The following ARHGAP5 variants were observed in gnomAD, a reference collection of about 807,000 sequenced individuals.
ARHGAP5 encodes Rho GTPase activating protein 5, also known as rho GTPase-activating protein 5.
Under a neutral mutation model 116.6 loss-of-function variants are expected in ARHGAP5, and 23 were observed. The ratio of observed to expected loss-of-function variants is 0.20; its 90% CI spans 0.14 to 0.28. The LOEUF is 0.28. ARHGAP5 is among the 10% of genes least tolerant of loss of function. The probability of loss-of-function intolerance (pLI) is 1.00; values close to 1 mark genes in which losing one functional copy is unlikely to be tolerated. For missense variants in ARHGAP5, 1,405 were observed against 1,774.8 expected, an observed-to-expected ratio of 0.79 and a Z score of 3.74; for synonymous variants, 574 against 602.0, an observed-to-expected ratio of 0.95 and a Z score of 0.68.
Position 32,158,337 on chromosome 14 carries a change from T to C in ARHGAP5, c.*3389T>C, listed in dbSNP as rs1881986626. ...GATGTATATAGGTGAAAATTTGATTTTTTAAATTATCAGGAAAACAAGATA... is the reference window on the plus strand; with the variant it reads ...GATGTATATAGGTGAAAATTTGATTCTTTAAATTATCAGGAAAACAAGATA... On this transcript the variant is annotated 3_prime_UTR_variant, in exon 7 of 7. Coordinates refer to ENST00000345122, the MANE Select transcript of ARHGAP5 (RefSeq NM_001030055.2). The C allele has an allele frequency of 6.6e-6, 1 of 151,966 alleles. No individual in the cohort carries two copies. Among genetic ancestry groups the C allele is most frequent in the Admixed American group, 6.6e-5 (1 of 15,246 alleles). The allele number at this position is 151,966 out of a possible 1,614,324, so 9.4% of individuals were successfully genotyped here. A position where few individuals can be genotyped will look rare whatever the true frequency, so the allele number is the denominator to read the frequency against.
At chr14:32,118,094 G>A (rs111631345) in intron 3 of ARHGAP5, among the ~76,000 whole-genome samples, 2,657 of 152,176 alleles carry the variant, frequency 0.017, 82 homozygotes, top group African/African-American at 0.06. Context: ...TCTTGTTCTC[G>A]CTAAAAAATC....
intron 5 of ARHGAP5, 28 bp from the exon 6 acceptor site, chr14:32,152,395 C>G: frequency 7.0e-7 from 1 of 1,425,258 alleles, no homozygotes; most frequent in Non-Finnish European, 9.8e-7. Flanking sequence ...AAGTTTTACA[C>G]AGATTCTTCA....
chr14:32,090,786 T>C lies in ARHGAP5; in HGVS notation c.117T>C (p.Asn39=). 6.2e-7 allele frequency: 1 copy of C among 1,613,642 alleles called. No homozygotes were observed. The highest frequency in any genetic ancestry group is 8.5e-7 in the Non-Finnish European group (1 of 1,179,616). ...NCGVGKSCLC[N]RFVRSKADEY... is the part of the protein sequence containing the mutation. The stretch of plus-strand genomic sequence containing the variant: ...GAGTTGGAAAGTCTTGTTTGTGCAA[T>C]AGATTTGTACGCTCAAAAGCAGATG... The change falls in exon 2 of 7, where the codon AAT becomes AAC. Residue 39 remains asparagine (N), a synonymous_variant. Coordinates refer to ENST00000345122, the MANE Select transcript of ARHGAP5 (RefSeq NM_001030055.2).
At chr14:32,127,741 CGTG>C (rs1285670843) in intron 3 of ARHGAP5, among the ~76,000 whole-genome samples, 2 of 152,022 alleles carry the variant, frequency 1.3e-5, no homozygotes, top group South Asian at 2.1e-4. Flanking sequence ...ACTTCCCAGA[CGTG>C]GTGGCCAGGC....
intron 3 of ARHGAP5, among the ~76,000 whole-genome samples, chr14:32,134,019 A>C (rs1193785618): frequency 6.6e-6 from 1 of 152,176 alleles, no homozygotes; most frequent in Non-Finnish European, 1.5e-5. Flanking sequence ...GACACAACTA[A>C]AAAAGGGAAT....
At chr14:32,109,751 T>A (rs557741513) in intron 2 of ARHGAP5, among the ~76,000 whole-genome samples, 28 of 152,238 alleles carry the variant, frequency 1.8e-4, no homozygotes, top group Admixed American at 1.7e-3. Flanking sequence ...GCAAACTTTT[T>A]AAAAAAATGT....
chr14:32,114,062 AC>A (rs1879436216), intron 2 of ARHGAP5, among the ~76,000 whole-genome samples: 2 of 152,084 alleles, frequency 1.3e-5, no homozygotes, highest in South Asian at 4.1e-4. Flanking sequence ...CCCCATCTCT[AC>A]TAAAAATACA....
rs1348040625 is a variant in ARHGAP5, at chr14:32,153,057, T to G, written c.4181+529T>G. Reference sequence around the variant, plus strand: ...GAACTGTATGGTTTTTTTTGTTTTTTTTTTTTTTTAAACTAATAGTATCAA... The same window carrying G: ...GAACTGTATGGTTTTTTTTGTTTTTGTTTTTTTTTAAACTAATAGTATCAA... On this transcript the variant is annotated intron_variant, in intron 6 of 6. Transcript: ENST00000345122. Among the ~76,000 whole-genome samples the G allele has an allele frequency of 4.6e-5, 7 of 151,136 alleles. No individual in the cohort carries two copies. In the South Asian group the frequency reaches 8.4e-4, roughly 18 times the overall value.
chr14:32,146,989 C>T (rs1860822999), intron 4 of ARHGAP5, among the ~76,000 whole-genome samples: 1 of 152,140 alleles, frequency 6.6e-6, no homozygotes, highest in South Asian at 2.1e-4. Flanking sequence ...TAAACTATCT[C>T]ACAAATAAAA....
chr14:32,102,759 T>C (rs1291585646), intron 2 of ARHGAP5, among the ~76,000 whole-genome samples: 2 of 152,202 alleles, frequency 1.3e-5, no homozygotes, highest in African/African-American at 4.8e-5. Context: ...CATAAATGTA[T>C]GGCCTTTGTT....
chr14:32,121,053 T>A (rs1183966491), intron 3 of ARHGAP5, among the ~76,000 whole-genome samples: 1 of 136,888 alleles, frequency 7.3e-6, no homozygotes, highest in African/African-American at 2.7e-5. Flanking sequence ...GTTCTCTCTC[T>A]AACACCCAGG....
In ARHGAP5 at chr14:32,090,820, C is replaced by T. The variant is rs1259085620; in HGVS notation, c.151C>T (p.Pro51Ser). The change falls in exon 2 of 7, where the codon CCA becomes TCA. Residue 51 changes from proline (P) to serine (S), a missense_variant. Transcript: ENST00000345122. ...FVRSKADEYYPEHTSVLSTID... is the reference protein window; with the variant it reads ...FVRSKADEYYSEHTSVLSTID... ...ACGCTCAAAAGCAGATGAATATTAT[C>T]CAGAGCATACTTCTGTGCTTAGCAC... The T allele has an allele frequency of 3.1e-6, 5 of 1,613,592 alleles. No individual in the cohort carries two copies. The highest frequency in any genetic ancestry group is 3.4e-6 in the Non-Finnish European group (4 of 1,179,626).
intron 2 of ARHGAP5, among the ~76,000 whole-genome samples, chr14:32,112,615 A>G (rs1019974822): frequency 3.9e-5 from 6 of 152,144 alleles, no homozygotes; most frequent in Admixed American, 6.5e-5. Context: ...GCTCACGCCT[A>G]TAATCCCAGC....
At position 32,092,477 on chromosome 14, in the gene ARHGAP5, A is replaced by T; in HGVS notation, c.1808A>T (p.Lys603Met). The change falls in exon 2 of 7, where the codon AAG becomes ATG. Residue 603 changes from lysine to methionine, a missense_variant. Physicochemically the swap from Lys to Met is moderately conservative, Grantham distance 95. Around this residue, in one of 6 missense-constraint regions of ARHGAP5, gnomAD observed 944 missense variants for 1,095.3 expected, o/e 0.86. Transcript: ENST00000345122. This position sits in a 1 kb window ranked among gnomAD's most constrained non-coding sequence, Gnocchi z 4.1. ...IDKVNLFILG[K>M]DGLAQELANE... is the part of the protein sequence containing the mutation. ...AAAGTTAACCTTTTTATTTTAGGGA[A>T]GGATGGCCTTGCCCAAGAACTAGCA... 6.2e-7 allele frequency: 1 copy of T among 1,614,032 alleles called. No homozygotes were observed. Among genetic ancestry groups the T allele is most frequent in the Admixed American group, 1.7e-5 (1 of 60,014 alleles).
intron 2 of ARHGAP5, among the ~76,000 whole-genome samples, chr14:32,100,902 A>C (rs1878762345): frequency 6.6e-6 from 1 of 152,198 alleles, no homozygotes; most frequent in African/African-American, 2.4e-5. Context: ...AGTTTTGAAC[A>C]CATTCAAGGA....
chr14:32,081,164 T>G (rs2041768253), intron 1 of ARHGAP5, among the ~76,000 whole-genome samples: 1 of 152,112 alleles, frequency 6.6e-6, no homozygotes, highest in African/African-American at 2.4e-5. Context: ...ACTTTAAGAA[T>G]TTGAGGTATA....
chr14:32,128,113 T>A (rs1381235021), intron 3 of ARHGAP5, among the ~76,000 whole-genome samples: 4 of 140,830 alleles, frequency 2.8e-5, no homozygotes, highest in African/African-American at 1.1e-4. Context: ...GCTCCCCACA[T>A]CCCAGATGAT....
At position 32,157,703 on chromosome 14, in the gene ARHGAP5, T is replaced by C. The variant is rs1401545839; in HGVS notation, c.*2755T>C. ...AAATGGTATTTGTTAGTAGTGCTTC[T>C]TCCCCTTAACATTTACAGTGTAAAT... On this transcript the variant is annotated 3_prime_UTR_variant, in exon 7 of 7. Transcript: ENST00000345122. 6.6e-6 allele frequency: 1 copy of C among 151,822 alleles called. No homozygotes were observed. Among genetic ancestry groups the C allele is most frequent in the Non-Finnish European group, 1.5e-5 (1 of 67,722 alleles). 9.4% of individuals were successfully genotyped at this position (151,822 alleles called of 1,614,324 possible). A position where few individuals can be genotyped will look rare whatever the true frequency, so the allele number is the denominator to read the frequency against.
intron 2 of ARHGAP5, among the ~76,000 whole-genome samples, chr14:32,097,384 A>T (rs1878577720): frequency 1.3e-5 from 2 of 152,200 alleles, no homozygotes; most frequent in Admixed American, 1.3e-4. Context: ...ATGAGAAAAA[A>T]TACTATAATG....
Sources: allele counts gnomAD v4.1 joint callset (sites outside exome capture counted in the v4.1 genomes callset), GRCh38; gene constraint gnomAD v4.1.1; regional missense constraint gnomAD v4.1.1; non-coding constraint Gnocchi (gnomAD v3.1); transcripts MANE v1.5; gene names NCBI Gene and HGNC (gene_info 2026-07-23, HGNC 2026-07-21).